MACF1: variants seen among roughly 807,000 people sequenced by gnomAD.
MACF1 encodes microtubule actin crosslinking factor 1.
A neutral mutation model predicts 854.8 loss-of-function variants in MACF1; 193 were observed. The ratio of observed to expected loss-of-function variants is 0.23; its 90% confidence interval spans 0.20 to 0.25. MACF1 has a LOEUF of 0.25. Among genes scored for constraint, MACF1 ranks in the 10% least tolerant of loss-of-function variants. The pLI, the probability that MACF1 is intolerant of heterozygous loss-of-function variation, is 1.00. For missense variants in MACF1, 7,722 were observed against 8,929.1 expected (o/e 0.86, Z 5.45); for synonymous variants, 3,185 against 3,226.7 (o/e 0.99, Z 0.44).
chr1:39,382,284 T>C (rs1650291978), intron 56 of MACF1, 132 bp downstream of exon 56: 1 of 805,690 alleles, frequency 1.2e-6, no homozygotes, highest in South Asian at 1.8e-5. Context: ...ATGAGGTATT[T>C]ATAAGGTGTT....
intron 21 of MACF1, 127 bp from the exon 22 acceptor site, chr1:39,300,083 A>G: frequency 3.2e-6 from 3 of 932,786 alleles, no homozygotes; most frequent in South Asian, 3.6e-5. Flanking sequence ...AGATGGCTCC[A>G]CCAACCATCC....
chr1:39,246,332 A>G (rs913534473), intron 2 of MACF1, among the ~76,000 whole-genome samples: 4 of 152,244 alleles, frequency 2.6e-5, no homozygotes, highest in African/African-American at 7.2e-5. Context: ...AGCTGCTTCA[A>G]GAACATTTTC....
At chr1:39,312,737 A>G (rs960092389) in intron 26 of MACF1, among the ~76,000 whole-genome samples, 2 of 152,154 alleles carry the variant, frequency 1.3e-5, no homozygotes, top group Non-Finnish European at 2.9e-5. Context: ...AGGTATGAGA[A>G]TCACTTGAAC....
In MACF1 at chr1:39,293,504, T is replaced by G; in HGVS notation, c.2039T>G (p.Phe680Cys). Residue 680 changes from phenylalanine to cysteine, a missense_variant, in exon 18 of 101, where the codon TTT becomes TGT. Phe to Cys is a radical substitution (Grantham distance 205). Transcript: ENST00000564288. Reference protein sequence around the residue: ...RMRHLQSLHKFVSRATAELIW... With the variant: ...RMRHLQSLHKCVSRATAELIW... The stretch of plus-strand genomic sequence containing the variant: ...AGGCACCTTCAGAGCCTGCATAAAT[T>G]TGTTTCCAGAGCTACAGCTGAGTTG... 1 of 1,613,982 alleles carries G rather than the reference T, an allele frequency of 6.2e-7. No homozygotes were observed. The highest frequency in any genetic ancestry group is 1.1e-5 in the South Asian group (1 of 91,056).
intron 6 of MACF1, among the ~76,000 whole-genome samples, chr1:39,271,553 C>G (rs1469614666): frequency 6.6e-6 from 1 of 152,064 alleles, no homozygotes; most frequent in Non-Finnish European, 1.5e-5. Flanking sequence ...ACCATATCAA[C>G]AAGTATTTGG....
intron 2 of MACF1, among the ~76,000 whole-genome samples, chr1:39,149,341 G>A (rs1028496988): frequency 2.0e-5 from 3 of 152,070 alleles, no homozygotes; most frequent in Non-Finnish European, 4.4e-5. Flanking sequence ...AGACCAGTAT[G>A]GTGAAACCCC....
At chr1:39,287,685 A>G in intron 15 of MACF1, 123 bp downstream of exon 15, 1 of 1,100,682 alleles carries the variant, frequency 9.1e-7, no homozygotes, top group Non-Finnish European at 1.3e-6. Context: ...TTATTCTTTT[A>G]TTTGAGTGAT....
chr1:39,324,359 C>A lies in MACF1; in HGVS notation c.4389+14C>A. On this transcript the variant is annotated intron_variant, in intron 34 of 100. Transcript: ENST00000564288. The stretch of plus-strand genomic sequence containing the variant: ...TTGGAACAGCAGGTGAGAAGAAGGT[C>A]CATCTCTGTTTACCTGGGTAGAATA... 2 of 1,612,424 alleles carry A rather than the reference C, an allele frequency of 1.2e-6. No individual in the cohort carries two copies. Among genetic ancestry groups the A allele is most frequent in the South Asian group, 2.2e-5 (2 of 90,912 alleles).
intron 3 of MACF1, 90 bp downstream of exon 3, chr1:39,250,193 A>T: frequency 1.2e-6 from 1 of 804,932 alleles, no homozygotes; most frequent in Admixed American, 2.1e-5. Flanking sequence ...AGCAGCCATC[A>T]CTGTTTCATC....
In MACF1 at chr1:39,300,306, C is replaced by T. The variant is rs759003457; in HGVS notation, c.2578C>T (p.His860Tyr). 3.1e-6 allele frequency: 5 copies of T among 1,614,032 alleles called. No homozygotes were observed. The highest frequency in any genetic ancestry group is 3.3e-5 in the Admixed American group (2 of 60,012). ...IVQLKPRSPD[H>Y]VLKNTISVKA... is the part of the protein sequence containing the mutation. ...TCAGCTAAAACCACGCAGTCCAGAC[C>T]ATGTGTTAAAGAACACCATTTCTGT... Residue 860 changes from histidine (H) to tyrosine (Y), a missense_variant, in exon 22 of 101, where the codon CAT (histidine) becomes TAT (tyrosine). His to Tyr is a moderately conservative substitution (Grantham distance 83). Around this residue, in one of 15 missense-constraint regions of MACF1, gnomAD observed 1,137 missense variants for 1,263.0 expected, o/e 0.90. Coordinates refer to ENST00000564288, the MANE Select transcript of MACF1 (RefSeq NM_001394062.1).
chr1:39,171,571 T>G (rs1643949811), intron 2 of MACF1, among the ~76,000 whole-genome samples: 1 of 152,202 alleles, frequency 6.6e-6, no homozygotes, highest in Non-Finnish European at 1.5e-5. Flanking sequence ...ATGCACATAT[T>G]TACATGCCTT....
chr1:39,379,291 T>G lies in MACF1; in HGVS notation c.13365T>G (p.Leu4455=), dbSNP rs1649985638. The G allele has an allele frequency of 6.2e-7, 1 of 1,613,496 alleles. No individual in the cohort carries two copies. The highest frequency in any genetic ancestry group is 8.5e-7 in the Non-Finnish European group (1 of 1,179,842). Residue 4455 remains leucine, a synonymous_variant, in exon 54 of 101, where the codon CTT becomes CTG. Coordinates refer to ENST00000564288, the MANE Select transcript of MACF1 (RefSeq NM_001394062.1). ...TACTTCATGAACGCCAGGAAAGCCTTCAGGCTATCCTCAACAGAATGGAGG... is the reference window on the plus strand; with the variant it reads ...TACTTCATGAACGCCAGGAAAGCCTGCAGGCTATCCTCAACAGAATGGAGG... ...GGVLHERQES[L]QAILNRMEEV...
intron 18 of MACF1, among the ~76,000 whole-genome samples, chr1:39,293,891 A>G (rs1020086663): frequency 4.6e-5 from 7 of 152,134 alleles, no homozygotes; most frequent in African/African-American, 1.7e-4. Flanking sequence ...GAAGCAATAC[A>G]GCATTGTGGT....
At chr1:39,400,320 C>T (rs1228790173) in intron 58 of MACF1, among the ~76,000 whole-genome samples, 3 of 152,050 alleles carry the variant, frequency 2.0e-5, no homozygotes, top group Non-Finnish European at 2.9e-5. Flanking sequence ...CTGTAAAATA[C>T]AAATATTGGT....
rs1433914101 is a variant in MACF1, at chr1:39,360,042, TATATATATATAC to T, written c.12245-749_12245-738del. 5.9e-3 allele frequency among the ~76,000 whole-genome samples: 349 copies of T among 59,242 alleles called. 2 individuals are homozygous for T. Among genetic ancestry groups the T allele is most frequent in the Non-Finnish European group, 6.6e-3 (204 of 30,916 alleles). The allele number at this position is 59,242 out of a possible 152,430, so 38.9% of individuals were successfully genotyped here. On this transcript the variant is annotated intron_variant, in intron 47 of 100. Coordinates refer to ENST00000564288, the MANE Select transcript of MACF1 (RefSeq NM_001394062.1). ...ATATATATATATATATATATATATA[TATATATATATAC>T]ACACACACACACACACATATGTATA...
chr1:39,206,487 A>G (rs191297908), intron 1 of MACF1: 1 of 152,354 alleles, frequency 6.6e-6, no homozygotes, highest in African/African-American at 2.4e-5. Context: ...TAATATTTTT[A>G]AAGTTTATCT....
intron 2 of MACF1, among the ~76,000 whole-genome samples, chr1:39,161,237 C>T (rs1271884340): frequency 2.0e-5 from 3 of 152,136 alleles, no homozygotes; most frequent in African/African-American, 4.8e-5. Context: ...ACTATTGGCC[C>T]GAGTCCTGAT....
intron 18 of MACF1, 76 bp downstream of exon 18, chr1:39,293,695 AGCTTGGGTG>A (rs4012674): frequency 0.044 from 64,606 of 1,455,120 alleles, 1,739 homozygotes; most frequent in African/African-American, 0.11. Flanking sequence ...GTCTGCTGAA[AGCTTGGGTG>A]GCTGGAGTTG....
intron 2 of MACF1, among the ~76,000 whole-genome samples, chr1:39,235,697 G>T (rs1251771144): frequency 2.0e-5 from 3 of 152,126 alleles, no homozygotes; most frequent in Non-Finnish European, 4.4e-5. Flanking sequence ...TAATAACAAT[G>T]GTAGTAATAG....
Sources: gnomAD v4.1 joint callset for allele counts (sites outside exome capture counted in the v4.1 genomes callset) on GRCh38, gnomAD v4.1.1 for gene constraint, gnomAD v4.1.1 regional missense constraint, MANE v1.5 for transcripts, NCBI Gene and HGNC (gene_info 2026-07-23, HGNC 2026-07-21) for gene names.